SLC44A2: variants seen among roughly 807,000 people sequenced by gnomAD.
The protein encoded by SLC44A2 is solute carrier family 44 member 2 (CTL2 blood group).
A neutral mutation model predicts 90.8 loss-of-function variants in SLC44A2; 57 were observed. The observed-to-expected ratio is 0.63, with a 90% CI of 0.51 to 0.78. SLC44A2 has a LOEUF of 0.78. Ranked by LOEUF, SLC44A2 falls within the 30% of genes least tolerant of loss-of-function variation. SLC44A2 has a pLI of 0.00. For synonymous variants in SLC44A2, 355 were observed against 360.7 expected, an observed-to-expected ratio of 0.98 and a Z score of 0.18; for missense variants, 794 against 919.7, an observed-to-expected ratio of 0.86 and a Z score of 1.77.
upstream of SLC44A2, among the ~76,000 whole-genome samples, chr19:10,621,439 T>TG (rs927832717): frequency 7.1e-4 from 103 of 145,070 alleles, 1 homozygote; most frequent in Non-Finnish European, 4.8e-4. Flanking sequence ...TTTTTTTTTT[T>TG]TTGGTTTTTG....
chr19:10,631,970 G>A lies in SLC44A2; in HGVS notation c.710+19G>A, dbSNP rs1449389132. On this transcript the variant is annotated intron_variant, in intron 9 of 21. Coordinates refer to ENST00000335757, the MANE Select transcript of SLC44A2 (RefSeq NM_020428.4). ...TTATCATGTAAGTCAGGAGGGAAGG[G>A]GCCTCTCCCCTGGCTGCCCCCTCTA... 2 of 1,613,894 alleles carry A rather than the reference G, an allele frequency of 1.2e-6. No homozygotes were observed. The highest frequency in any genetic ancestry group is 1.7e-6 in the Non-Finnish European group (2 of 1,179,764).
intron 1 of SLC44A2, among the ~76,000 whole-genome samples, chr19:10,605,206 C>T (rs1918066854): frequency 6.6e-6 from 1 of 151,946 alleles, no homozygotes; most frequent in African/African-American, 2.4e-5. Flanking sequence ...CACAGTGAAA[C>T]CCCATCTCTA....
chr19:10,620,517 T>C (rs1451803809), intron 1 of SLC44A2, among the ~76,000 whole-genome samples: 3 of 152,062 alleles, frequency 2.0e-5, no homozygotes, highest in Non-Finnish European at 4.4e-5. Flanking sequence ...CCTTAGAAAA[T>C]TCTAAGCTCG....
chr19:10,631,913 A>G lies in SLC44A2; in HGVS notation c.672A>G (p.Ile224Met). The G allele has an allele frequency of 1.2e-6, 2 of 1,614,220 alleles. No individual in the cohort carries two copies. Among genetic ancestry groups the G allele is most frequent in the South Asian group, 1.1e-5 (1 of 91,088 alleles). Residue 224 changes from isoleucine (I) to methionine (M), a missense_variant, in exon 9 of 22, where the codon ATA (isoleucine) becomes ATG (methionine). Ile to Met is a conservative substitution (Grantham distance 10, BLOSUM62 1). Transcript: ENST00000335757. ...VLEARQLAMR[I>M]FEDYTVSWYW... Reference sequence around the variant, plus strand: ...AGGCGCGGCAACTCGCCATGCGCATATTTGAAGATTACACCGTCTCTTGGT... The same window carrying G: ...AGGCGCGGCAACTCGCCATGCGCATGTTTGAAGATTACACCGTCTCTTGGT...
At chr19:10,636,044 T>G in intron 14 of SLC44A2, 1 of 431,192 alleles carries the variant, frequency 2.3e-6, no homozygotes, top group Non-Finnish European at 4.1e-6. Context: ...CCCAAAGTGC[T>G]GGGATTACAG....
intron 7 of SLC44A2, 31 bp downstream of exon 7, chr19:10,631,566 G>C: frequency 6.2e-7 from 1 of 1,614,058 alleles, no homozygotes; most frequent in Non-Finnish European, 8.5e-7. Context: ...AGGCTCAGGT[G>C]GTGACGGGGA....
chr19:10,633,074 G>A (rs1035490404), intron 10 of SLC44A2, among the ~76,000 whole-genome samples: 13 of 152,164 alleles, frequency 8.5e-5, no homozygotes, highest in Admixed American at 5.9e-4. Context: ...GTAGGGGCCT[G>A]TTTAGTTCAG....
intron 1 of SLC44A2, among the ~76,000 whole-genome samples, chr19:10,609,381 C>T (rs1033209296): frequency 1.6e-4 from 24 of 151,720 alleles, no homozygotes; most frequent in African/African-American, 5.8e-4. Context: ...CTCACTGCAA[C>T]CTCCGCCTCC....
chr19:10,602,629 G>T, intron 1 of SLC44A2: 1 of 1,219,528 alleles, frequency 8.2e-7, no homozygotes, highest in African/African-American at 1.6e-5. Flanking sequence ...GAGCCAGGGG[G>T]ACATCTGAGA....
At chr19:10,625,510 G>T (rs949319413), upstream of SLC44A2, 2 of 1,223,894 alleles carry the variant, frequency 1.6e-6, no homozygotes, top group Admixed American at 8.5e-5. Flanking sequence ...GGGCCGCCCC[G>T]CCTGGCGCTG....
intron 2 of SLC44A2, 26 bp from the exon 3 acceptor site, chr19:10,627,696 C>G: frequency 6.2e-7 from 1 of 1,612,026 alleles, no homozygotes; most frequent in Non-Finnish European, 8.5e-7. Context: ...CAAGCCTCCT[C>G]CAAACACTGC....
At chr19:10,638,194 C>T (rs1015067356) in intron 19 of SLC44A2, 33 bp from the exon 20 acceptor site, 4 of 1,613,242 alleles carry the variant, frequency 2.5e-6, no homozygotes, top group Admixed American at 3.3e-5. Context: ...TATCCAGAAC[C>T]CTTCGCCATC....
intron 1 of SLC44A2, among the ~76,000 whole-genome samples, chr19:10,607,651 C>G (rs1599566880): frequency 6.6e-6 from 1 of 151,668 alleles, no homozygotes; most frequent in African/African-American, 2.4e-5. Flanking sequence ...CCACCACACC[C>G]AGCTTTTTTT....
chr19:10,628,852 A>T (rs1461287407), intron 4 of SLC44A2, among the ~76,000 whole-genome samples: 1 of 152,084 alleles, frequency 6.6e-6, no homozygotes, highest in African/African-American at 2.4e-5. Context: ...TAAAATGAGG[A>T]TCATAACAGT....
chr19:10,635,628 C>CA lies in SLC44A2; in HGVS notation c.1233+113_1233+114insA, dbSNP rs1247519851. The CA allele has an allele frequency of 3.2e-6, 3 of 949,874 alleles. No homozygotes were observed. In the East Asian group the frequency reaches 7.2e-5, roughly 23 times the overall value. The allele number at this position is 949,874 out of a possible 1,614,324, so 58.8% of individuals were successfully genotyped here. A position where few individuals can be genotyped will look rare whatever the true frequency, so the allele number is the denominator to read the frequency against. ...CAAACAATTGGCCCCTGTTGCATGTCCTGTGCTAGGTGTGGGGGAGGACGC... is the reference window on the plus strand; with the variant it reads ...CAAACAATTGGCCCCTGTTGCATGTCACTGTGCTAGGTGTGGGGGAGGACGC... On this transcript the variant is annotated intron_variant, in intron 14 of 21. Coordinates refer to ENST00000335757, the MANE Select transcript of SLC44A2 (RefSeq NM_020428.4).
At chr19:10,625,450 G>A, upstream of SLC44A2, 1 of 1,214,848 alleles carries the variant, frequency 8.2e-7, no homozygotes, top group Non-Finnish European at 1.0e-6. Flanking sequence ...GCGCCCTCCC[G>A]GGTCCCTTAG....
intron 21 of SLC44A2, chr19:10,642,911 A>G: frequency 6.3e-7 from 1 of 1,593,018 alleles, no homozygotes; most frequent in Non-Finnish European, 8.5e-7. Context: ...GGACCTGGAA[A>G]GGAATGACGG....
At position 10,634,842 on chromosome 19, in the gene SLC44A2, G is replaced by T; in HGVS notation, c.910G>T (p.Asp304Tyr). ...VSLVDLGFQTDFRVYLHLRQT... is the reference protein window; with the variant it reads ...VSLVDLGFQTYFRVYLHLRQT... The stretch of plus-strand genomic sequence containing the variant: ...TTTGGTGGACCTCGGCTTTCAGACG[G>T]ATTTCCGGGTGTACCTGCACTTACG... The change falls in exon 11 of 22, where the codon GAT (aspartate) becomes TAT (tyrosine). Residue 304 changes from aspartate (D) to tyrosine (Y), a missense_variant. Around this residue, in one of 3 missense-constraint regions of SLC44A2, gnomAD observed 738 missense variants for 841.1 expected, o/e 0.88. Coordinates refer to ENST00000335757, the MANE Select transcript of SLC44A2 (RefSeq NM_020428.4). The T allele has an allele frequency of 6.2e-7, 1 of 1,614,152 alleles. No individual in the cohort carries two copies. The highest frequency in any genetic ancestry group is 8.5e-7 in the Non-Finnish European group (1 of 1,180,038).
At chr19:10,617,802 C>T (rs2066867411) in intron 1 of SLC44A2, among the ~76,000 whole-genome samples, 1 of 152,170 alleles carries the variant, frequency 6.6e-6, no homozygotes, top group African/African-American at 2.4e-5. Context: ...AGTGAGTTCG[C>T]TTTGCTCACC....
Sources: gnomAD v4.1 joint callset for allele counts (sites outside exome capture counted in the v4.1 genomes callset) on GRCh38, gnomAD v4.1.1 for gene constraint, gnomAD v4.1.1 regional missense constraint, MANE v1.5 for transcripts, NCBI Gene and HGNC (gene_info 2026-07-23, HGNC 2026-07-21) for gene names.